UGT1A10: variants seen among roughly 807,000 people sequenced by gnomAD.
UGT1A10 encodes the protein UDP-glucuronosyltransferase 1A10.
UGT1A10 carries 49 observed loss-of-function variants against 45.8 expected under a neutral mutation model. The observed-to-expected ratio is 1.07, with a 90% confidence interval of 0.85 to 1.36. UGT1A10 has a LOEUF of 1.36. Among genes scored for constraint, UGT1A10 ranks in the 40% most tolerant of loss-of-function variants. The pLI is 0.00. For missense variants in UGT1A10, 745 were observed against 668.6 expected, an observed-to-expected ratio of 1.11 and a Z score of -1.26; for synonymous variants, 284 against 249.7, an observed-to-expected ratio of 1.14 and a Z score of -1.29.
At chr2:233,672,318 T>C (rs2074221139) in intron 1 of UGT1A10, 1 of 1,613,998 alleles carries the variant, frequency 6.2e-7, no homozygotes, top group Non-Finnish European at 8.5e-7. Context: ...GGAGTTTGTT[T>C]AAAGACAAAA....
intron 1 of UGT1A10, among the ~76,000 whole-genome samples, chr2:233,757,931 A>G (rs552433381): frequency 6.6e-6 from 1 of 152,244 alleles, no homozygotes; most frequent in East Asian, 1.9e-4. Flanking sequence ...CCCCCAAAGC[A>G]AGACCATCAT....
chr2:233,773,007 TA>T lies in UGT1A10; in HGVS notation c.*449del, dbSNP rs61757317. On this transcript the variant is annotated 3_prime_UTR_variant, in exon 5 of 5. Coordinates refer to ENST00000344644, the MANE Select transcript of UGT1A10 (RefSeq NM_019075.4). ...CAGTCCTCATCTCTGTCGTGCTTCA[TA>T]GGTGCCACCTTGTGTGTTTAAAGAA... is the stretch of plus-strand genomic sequence containing the variant. 26 of 218,224 alleles carry T rather than the reference TA, an allele frequency of 1.2e-4. No homozygotes were observed. Among genetic ancestry groups the T allele is most frequent in the Non-Finnish European group, 2.2e-4 (24 of 108,252 alleles). The allele number at this position is 218,224 out of a possible 1,614,324, so 13.5% of individuals were successfully genotyped here.
In UGT1A10 at chr2:233,662,634, T is replaced by C. The variant is rs28969999; in HGVS notation, c.855+25257T>C. Among the ~76,000 whole-genome samples the C allele has an allele frequency of 2.2e-3, 339 of 152,316 alleles. 1 individual carries two copies. The highest frequency in any genetic ancestry group is 7.8e-3 in the African/African-American group (325 of 41,568). ...ATATTTTAAATTTCTTTTTCTTGTT[T>C]GACTGCATTGAATAGAACAATGTTG... On this transcript the variant is annotated intron_variant, in intron 1 of 4. Coordinates refer to ENST00000344644, the MANE Select transcript of UGT1A10 (RefSeq NM_019075.4).
chr2:233,703,766 C>T (rs1275081349), intron 1 of UGT1A10, among the ~76,000 whole-genome samples: 1 of 151,886 alleles, frequency 6.6e-6, no homozygotes, highest in Non-Finnish European at 1.5e-5. Context: ...CTTCTGCAGA[C>T]AAGATATTAT....
chr2:233,768,591 T>C, intron 4 of UGT1A10, 152 bp downstream of exon 4: 1 of 1,076,328 alleles, frequency 9.3e-7, no homozygotes, highest in Non-Finnish European at 1.2e-6. Context: ...TCTTTTTTTT[T>C]TTTTTTTTTT....
In UGT1A10 at chr2:233,769,368, G is replaced by T. The variant is rs1276563226; in HGVS notation, c.1295+929G>T. ...TGGGAAGAAGTGGTGGCCAGTGGTA[G>T]ATTTCATCCGACAATAGATACTGTG... On this transcript the variant is annotated intron_variant, in intron 4 of 4. Coordinates refer to ENST00000344644, the MANE Select transcript of UGT1A10 (RefSeq NM_019075.4). This position sits in a 1 kb window ranked among gnomAD's most constrained non-coding sequence, Gnocchi z 4.4. Among the ~76,000 whole-genome samples the T allele has an allele frequency of 6.6e-6, 1 of 152,222 alleles. No homozygotes were observed. The highest frequency in any genetic ancestry group is 1.5e-5 in the Non-Finnish European group (1 of 68,036).
chr2:233,730,885 G>C (rs948643464), intron 1 of UGT1A10, among the ~76,000 whole-genome samples: 12 of 152,158 alleles, frequency 7.9e-5, no homozygotes, highest in South Asian at 2.1e-4. Flanking sequence ...TTTCTATAGT[G>C]GGATCTACTC....
At chr2:233,765,305 A>G (rs777427074) in intron 1 of UGT1A10, among the ~76,000 whole-genome samples, 9 of 152,220 alleles carry the variant, frequency 5.9e-5, no homozygotes, top group Admixed American at 1.3e-4. Flanking sequence ...ACACATGCAC[A>G]TATTTGTTTA....
At chr2:233,744,781 G>A (rs1479146007) in intron 1 of UGT1A10, among the ~76,000 whole-genome samples, 1 of 151,856 alleles carries the variant, frequency 6.6e-6, no homozygotes, top group Non-Finnish European at 1.5e-5. Context: ...AAATTCTCCT[G>A]AAAAATTCTT....
In UGT1A10 at chr2:233,760,344, G is replaced by A. The variant is rs897355036; in HGVS notation, c.856-6690G>A. The stretch of plus-strand genomic sequence containing the variant: ...TTGTCCTGGGCCTGCTGCTGTGTGT[G>A]CTGGGCCCAGTGGTGTCCCATGCTG... On this transcript the variant is annotated intron_variant, in intron 1 of 4. Transcript: ENST00000344644. 5.6e-6 allele frequency: 9 copies of A among 1,613,914 alleles called. No homozygotes were observed. The Admixed American group carries it at 1.3e-4, about 24-fold the overall frequency.
At chr2:233,754,577 C>T (rs1133490) in intron 1 of UGT1A10, 2 of 424,484 alleles carry the variant, frequency 4.7e-6, no homozygotes, top group Non-Finnish European at 9.4e-6. Context: ...TGCTCTATGC[C>T]GTTTATTATG....
intron 1 of UGT1A10, among the ~76,000 whole-genome samples, chr2:233,732,038 A>G (rs541263635): frequency 3.5e-4 from 54 of 152,356 alleles, no homozygotes; most frequent in African/African-American, 1.2e-3. Context: ...ATGACCAGTG[A>G]TGATGAGCAT....
chr2:233,728,626 G>A (rs1336617432), intron 1 of UGT1A10, among the ~76,000 whole-genome samples: 2 of 152,180 alleles, frequency 1.3e-5, no homozygotes, highest in Admixed American at 6.5e-5. Flanking sequence ...GAGAAAGCTG[G>A]CTTAGCAATG....
chr2:233,713,830 A>C (rs1248419431), intron 1 of UGT1A10: 8 of 1,613,954 alleles, frequency 5.0e-6, no homozygotes, highest in Non-Finnish European at 6.8e-6. Context: ...GGGGGCATCA[A>C]CTGTGCCAAC....
chr2:233,671,853 G>T (rs2074201119), intron 1 of UGT1A10: 11 of 1,510,124 alleles, frequency 7.3e-6, no homozygotes, highest in Non-Finnish European at 9.7e-6. Flanking sequence ...ATTGGGGTCA[G>T]GTTTTGTGCT....
At chr2:233,655,734 C>T (rs538606503) in intron 1 of UGT1A10, among the ~76,000 whole-genome samples, 87 of 152,184 alleles carry the variant, frequency 5.7e-4, no homozygotes, top group Non-Finnish European at 9.4e-4. Flanking sequence ...GCAAGTCTCT[C>T]CTGTCCCTGG....
At chr2:233,681,430 C>G (rs961076025) in intron 1 of UGT1A10, among the ~76,000 whole-genome samples, 2 of 149,472 alleles carry the variant, frequency 1.3e-5, no homozygotes, top group African/African-American at 5.0e-5. Flanking sequence ...GCTACTGAGG[C>G]TGAGGCAGGA....
intron 1 of UGT1A10, among the ~76,000 whole-genome samples, chr2:233,695,942 C>T (rs1440618319): frequency 6.6e-6 from 1 of 152,024 alleles, no homozygotes; most frequent in Non-Finnish European, 1.5e-5. Flanking sequence ...GCAATTCTGC[C>T]AGATACCAGC....
At chr2:233,701,811 A>G (rs942199612) in intron 1 of UGT1A10, among the ~76,000 whole-genome samples, 4 of 152,228 alleles carry the variant, frequency 2.6e-5, no homozygotes, top group Non-Finnish European at 1.5e-5. Flanking sequence ...ACAAAGACAC[A>G]ACATACCAGA....
Sources: allele counts gnomAD v4.1 joint callset (sites outside exome capture counted in the v4.1 genomes callset), GRCh38; gene constraint gnomAD v4.1.1; non-coding constraint Gnocchi (gnomAD v3.1); transcripts MANE v1.5; gene names NCBI Gene and HGNC (gene_info 2026-07-23, HGNC 2026-07-21).